MYOF: variants seen among roughly 807,000 people sequenced by gnomAD.
MYOF encodes myoferlin, also known as fer-1-like 3, myoferlin.
Under a neutral mutation model 284.2 loss-of-function variants are expected in MYOF, and 244 were observed. The observed-to-expected ratio is 0.86, with a 90% confidence interval of 0.77 to 0.95. MYOF has a LOEUF of 0.95. MYOF is among the 40% of genes least tolerant of loss of function. The pLI, the probability that MYOF is intolerant of heterozygous loss-of-function variation, is 0.00. For synonymous variants in MYOF, 904 were observed against 919.7 expected, an observed-to-expected ratio of 0.98 and a Z score of 0.31; for missense variants, 2,496 against 2,560.6, an observed-to-expected ratio of 0.97 and a Z score of 0.54.
chr10:93,452,706 A>C (rs1400677597), intron 2 of MYOF, among the ~76,000 whole-genome samples: 1 of 152,128 alleles, frequency 6.6e-6, no homozygotes, highest in Admixed American at 6.5e-5. Context: ...AAGTATAATA[A>C]TAACAAAAAT....
At chr10:93,355,430 CA>C (rs1844749988) in intron 31 of MYOF, among the ~76,000 whole-genome samples, 197 bp downstream of exon 31, 1 of 151,896 alleles carries the variant, frequency 6.6e-6, no homozygotes, top group South Asian at 2.1e-4. Context: ...TGCAAAAATA[CA>C]AAAAATTAGC....
chr10:93,326,528 T>C (rs1393532162), intron 45 of MYOF, among the ~76,000 whole-genome samples: 1 of 152,244 alleles, frequency 6.6e-6, no homozygotes, highest in Middle Eastern at 3.2e-3. Context: ...CCTGGAGGAA[T>C]ACCTACTTAG....
intron 3 of MYOF, among the ~76,000 whole-genome samples, chr10:93,440,560 A>G (rs1326398680): frequency 6.6e-6 from 1 of 152,080 alleles, no homozygotes; most frequent in Non-Finnish European, 1.5e-5. Flanking sequence ...ATGTGTATTT[A>G]TCTGTTCCCT....
chr10:93,364,463 A>G (rs1191403815), intron 26 of MYOF, among the ~76,000 whole-genome samples: 1 of 152,212 alleles, frequency 6.6e-6, no homozygotes, highest in African/African-American at 2.4e-5. Flanking sequence ...CTAACAGTTC[A>G]AAAGAAAAGG....
intron 5 of MYOF, among the ~76,000 whole-genome samples, chr10:93,416,964 T>C (rs1282444123): frequency 6.6e-6 from 1 of 152,142 alleles, no homozygotes; most frequent in Non-Finnish European, 1.5e-5. Flanking sequence ...TATTATTAAA[T>C]CCAACCTCCT....
Position 93,351,238 on chromosome 10 carries a change from G to A in MYOF, c.3880C>T (p.Pro1294Ser). ...PQRAPNLYMVPQGIRPVVQLT... is the reference protein window; with the variant it reads ...PQRAPNLYMVSQGIRPVVQLT... ...TGGACCACAGGCCTGATCCCCTGGGGGACCATGTATAGATTTGGCGCCCTT... is the reference window on the plus strand; with the variant it reads ...TGGACCACAGGCCTGATCCCCTGGGAGACCATGTATAGATTTGGCGCCCTT... Residue 1294 changes from proline (P) to serine (S), a missense_variant, in exon 35 of 54, where the codon CCC becomes TCC. Pro to Ser is a moderately conservative substitution (Grantham distance 74). Transcript: ENST00000359263. The A allele has an allele frequency of 6.2e-7, 1 of 1,614,152 alleles. No homozygotes were observed. The highest frequency in any genetic ancestry group is 1.6e-4 in the Middle Eastern group (1 of 6,062).
At chr10:93,340,331 A>G in intron 38 of MYOF, 167 bp from the exon 39 acceptor site, 1 of 672,750 alleles carries the variant, frequency 1.5e-6, no homozygotes, top group Non-Finnish European at 2.5e-6. Context: ...AAAATTTTCT[A>G]AGTCAGGATG....
chr10:93,478,835 A>G (rs12779032), intron 1 of MYOF, among the ~76,000 whole-genome samples: 9 of 75,278 alleles, frequency 1.2e-4, no homozygotes, highest in South Asian at 5.6e-4. Flanking sequence ...CAAAAAAAAA[A>G]AAAAAAAAGA....
intron 1 of MYOF, among the ~76,000 whole-genome samples, chr10:93,473,684 A>G (rs1183083737): frequency 6.6e-6 from 1 of 152,106 alleles, no homozygotes; most frequent in Non-Finnish European, 1.5e-5. Context: ...CTTTAGAAAA[A>G]TCAAGGTTTC....
chr10:93,323,621 C>A, intron 46 of MYOF: 1 of 456,682 alleles, frequency 2.2e-6, no homozygotes, highest in Non-Finnish European at 3.9e-6. Context: ...CTGGGTCTCG[C>A]CTGGTTAATA....
At chr10:93,451,196 T>A (rs1242567201) in intron 3 of MYOF, among the ~76,000 whole-genome samples, 1 of 152,042 alleles carries the variant, frequency 6.6e-6, no homozygotes, top group Admixed American at 6.6e-5. Flanking sequence ...AAAAGTTAGC[T>A]GGGCGTGGTG....
At chr10:93,416,304 G>A (rs969581400) in intron 5 of MYOF, among the ~76,000 whole-genome samples, 1 of 152,032 alleles carries the variant, frequency 6.6e-6, no homozygotes, top group Non-Finnish European at 1.5e-5. Flanking sequence ...ATCACCTGAG[G>A]TCAGGAGTTC....
intron 16 of MYOF, among the ~76,000 whole-genome samples, chr10:93,393,836 T>C (rs1846821779): frequency 6.6e-6 from 1 of 151,798 alleles, no homozygotes; most frequent in South Asian, 2.1e-4. Context: ...TACACTGTAA[T>C]GGGTGATGAC....
chr10:93,389,815 A>C (rs1256857030), intron 17 of MYOF, among the ~76,000 whole-genome samples: 2 of 152,192 alleles, frequency 1.3e-5, no homozygotes, highest in Non-Finnish European at 2.9e-5. Flanking sequence ...ATAATTAAAT[A>C]GCTGAAAATG....
chr10:93,322,062 G>T (rs1842865201), intron 48 of MYOF, among the ~76,000 whole-genome samples: 1 of 151,828 alleles, frequency 6.6e-6, no homozygotes, highest in Non-Finnish European at 1.5e-5. Flanking sequence ...AATTAGCTGA[G>T]ATTAGTTTCC....
chr10:93,454,260 TG>T (rs2056677546), intron 2 of MYOF, among the ~76,000 whole-genome samples: 1 of 152,130 alleles, frequency 6.6e-6, no homozygotes, highest in Admixed American at 6.5e-5. Flanking sequence ...CATTTGTGTT[TG>T]GTTTCAATTA....
At chr10:93,468,257 C>G (rs2057056642) in intron 1 of MYOF, among the ~76,000 whole-genome samples, 1 of 152,204 alleles carries the variant, frequency 6.6e-6, no homozygotes, top group Non-Finnish European at 1.5e-5. Flanking sequence ...TGAATTAAGT[C>G]TCAAGTACTC....
At chr10:93,457,123 A>G (rs1348723522) in intron 1 of MYOF, among the ~76,000 whole-genome samples, 186 bp from the exon 2 acceptor site, 1 of 152,138 alleles carries the variant, frequency 6.6e-6, no homozygotes, top group African/African-American at 2.4e-5. Context: ...TTGGTCTACA[A>G]GGTTTTCCCA....
intron 24 of MYOF, among the ~76,000 whole-genome samples, chr10:93,370,727 G>A (rs1025602610): frequency 3.9e-5 from 6 of 152,158 alleles, no homozygotes; most frequent in South Asian, 2.1e-4. Flanking sequence ...GGCATATGAT[G>A]GTTGTCTTGA....
Sources: gnomAD v4.1 joint callset for allele counts (sites outside exome capture counted in the v4.1 genomes callset) on GRCh38, gnomAD v4.1.1 for gene constraint, MANE v1.5 for transcripts, NCBI Gene and HGNC (gene_info 2026-07-23, HGNC 2026-07-21) for gene names.